Variants in MCFD2 observed in about 807,000 individuals in gnomAD.
The protein encoded by MCFD2 is multiple coagulation factor deficiency 2, ER cargo receptor complex subunit.
A neutral mutation model predicts 12.8 loss-of-function variants in MCFD2; 11 were observed. That is an observed-to-expected ratio of 0.86 (90% CI 0.54 to 1.42). MCFD2 has a LOEUF of 1.42. Among genes scored for constraint, MCFD2 ranks in the 40% most tolerant of loss-of-function variants. The probability of loss-of-function intolerance (pLI) is 0.00; values close to 1 mark genes in which losing one functional copy is unlikely to be tolerated. For missense variants in MCFD2, 191 were observed against 178.6 expected, an observed-to-expected ratio of 1.07 and a Z score of -0.40; for synonymous variants, 70 against 68.1, an observed-to-expected ratio of 1.03 and a Z score of -0.14.
chr2:46,927,003 G>A (rs539764937), intron 1 of MCFD2, among the ~76,000 whole-genome samples: 196 of 151,992 alleles, frequency 1.3e-3, no homozygotes, highest in Non-Finnish European at 2.3e-3. Context: ...TTAGACACAC[G>A]AAAAGAGAGA....
At chr2:46,930,096 C>A (rs764582216) in intron 1 of MCFD2, among the ~76,000 whole-genome samples, 25 of 151,946 alleles carry the variant, frequency 1.6e-4, no homozygotes, top group Admixed American at 1.4e-3. Context: ...CATAACCTAA[C>A]CTTTCCCTAC....
upstream of MCFD2, among the ~76,000 whole-genome samples, chr2:46,920,626 T>C (rs551027730): frequency 6.6e-6 from 1 of 151,120 alleles, no homozygotes; most frequent in Non-Finnish European, 1.5e-5. Context: ...CCACCATGCC[T>C]GGCCTTAGTC....
At chr2:46,918,272 T>C (rs1225424906), upstream of MCFD2, among the ~76,000 whole-genome samples, 1 of 152,236 alleles carries the variant, frequency 6.6e-6, no homozygotes, top group Non-Finnish European at 1.5e-5. Flanking sequence ...CTGTTTTTGA[T>C]TTATCTCATC....
rs942453127 is a variant in MCFD2 at position 46,938,080 on chromosome 2, T to C, written c.-8+3492A>G. ...TAAACCAGAAATAGGGGATTTATTA[T>C]GCAAACAAAAACTAGAATGGGAAAC... is the stretch of plus-strand genomic sequence containing the variant. On this transcript the variant is annotated intron_variant, in intron 1 of 2. Coordinates refer to the MCFD2 transcript ENST00000409147. 5.9e-5 allele frequency among the ~76,000 whole-genome samples: 9 copies of C among 152,176 alleles called. No individual in the cohort carries two copies. The South Asian group carries it at 8.3e-4, about 14-fold the overall frequency.
chr2:46,927,883 T>TG (rs1245059742), intron 1 of MCFD2, among the ~76,000 whole-genome samples: 1 of 123,370 alleles, frequency 8.1e-6, no homozygotes, highest in Non-Finnish European at 1.7e-5. Flanking sequence ...GTTTTTTTGG[T>TG]GTTTTTTTTT....
intron 1 of MCFD2, among the ~76,000 whole-genome samples, chr2:46,924,297 C>T (rs953453900): frequency 6.6e-6 from 1 of 151,842 alleles, no homozygotes; most frequent in East Asian, 1.9e-4. Flanking sequence ...CCAGGGAAGC[C>T]TTGGTATCAG....
At chr2:46,927,506 G>GC (rs1301658445) in intron 1 of MCFD2, among the ~76,000 whole-genome samples, 1 of 151,772 alleles carries the variant, frequency 6.6e-6, no homozygotes, top group Non-Finnish European at 1.5e-5. Context: ...ACAGGCATCC[G>GC]CCACCACGCC....
upstream of MCFD2, chr2:46,917,340 CCAT>C (rs939802846): frequency 1.6e-6 from 1 of 607,770 alleles, no homozygotes; most frequent in African/African-American, 1.9e-5. Context: ...AATTCAAGAC[CCAT>C]TCTTCTTTCC....
chr2:46,917,976 C>G (rs1001283988), upstream of MCFD2, among the ~76,000 whole-genome samples: 11 of 152,292 alleles, frequency 7.2e-5, no homozygotes, highest in African/African-American at 2.6e-4. Flanking sequence ...CCTTCTCTAT[C>G]CACCCTCCCT....
chr2:46,934,075 A>G (rs535455446), intron 1 of MCFD2, among the ~76,000 whole-genome samples: 64 of 152,340 alleles, frequency 4.2e-4, no homozygotes, highest in African/African-American at 1.4e-3. Flanking sequence ...AGAATGTCAT[A>G]ATAATCATCC....
Position 46,941,590 on chromosome 2 carries a change from C to G in MCFD2, c.-26G>C. 1.9e-6 allele frequency: 3 copies of G among 1,557,270 alleles called. No individual in the cohort carries two copies. Among genetic ancestry groups the G allele is most frequent in the Non-Finnish European group, 2.6e-6 (3 of 1,151,132 alleles). On this transcript the variant is annotated 5_prime_UTR_variant, in exon 1 of 3. Coordinates refer to the MCFD2 transcript ENST00000409147. This position sits in a 1 kb window ranked among gnomAD's most constrained non-coding sequence, Gnocchi z 4.2. ...CTCCTACCTGAAGGTGGAGAGCGAG[C>G]TGGAGCGCTGCCGCGCCGAGGGCCA...
upstream of MCFD2, among the ~76,000 whole-genome samples, chr2:46,919,996 T>C (rs1484285523): frequency 6.6e-6 from 1 of 152,208 alleles, no homozygotes; most frequent in Non-Finnish European, 1.5e-5. Flanking sequence ...GCTTGGAATT[T>C]TGGCATGTGT....
intron 1 of MCFD2, among the ~76,000 whole-genome samples, chr2:46,911,410 G>A (rs1668480908): frequency 6.7e-6 from 1 of 150,130 alleles, no homozygotes; most frequent in Non-Finnish European, 1.5e-5. Context: ...TTACAGGCAT[G>A]AGCCACCGTG....
intron 1 of MCFD2, among the ~76,000 whole-genome samples, chr2:46,930,163 TAAC>T (rs991208142): frequency 6.6e-6 from 1 of 152,024 alleles, no homozygotes; most frequent in African/African-American, 2.4e-5. Flanking sequence ...ATAATAAAGA[TAAC>T]AAAATTAATG....
In MCFD2 at chr2:46,908,739, C is replaced by T; in HGVS notation, c.149+284G>A. The T allele has an allele frequency of 2.1e-6, 1 of 486,834 alleles. No homozygotes were observed. The highest frequency in any genetic ancestry group is 3.8e-6 in the Non-Finnish European group (1 of 265,844). 30.2% of individuals were successfully genotyped at this position (486,834 alleles called of 1,614,324 possible). ...TGACTGTGTATGTGTACCTGTGTGT[C>T]TATTTGTATGTGTGTGTGTCTGTCT... On this transcript the variant is annotated intron_variant, in intron 2 of 3. Transcript: ENST00000319466. This position sits in a 1 kb window ranked among gnomAD's most constrained non-coding sequence, Gnocchi z 4.5.
chr2:46,920,492 G>A (rs1425421284), upstream of MCFD2, among the ~76,000 whole-genome samples: 2 of 151,894 alleles, frequency 1.3e-5, no homozygotes, highest in Non-Finnish European at 2.9e-5. Context: ...ACCACGCCCA[G>A]CTAATTTTTT....
chr2:46,930,435 G>GAAAA (rs56691862), intron 1 of MCFD2, among the ~76,000 whole-genome samples: 12 of 120,328 alleles, frequency 1.0e-4, no homozygotes, highest in Non-Finnish European at 1.6e-4. Flanking sequence ...GTATTCCTAG[G>GAAAA]AAAAAAAAAA....
chr2:46,925,414 C>T (rs898169963), intron 1 of MCFD2, among the ~76,000 whole-genome samples: 4 of 151,974 alleles, frequency 2.6e-5, no homozygotes, highest in African/African-American at 7.3e-5. Context: ...AAAAATTAGC[C>T]GGGCATGGTG....
rs950615769 is a variant in MCFD2 at position 46,905,186 on chromosome 2, C to T, written c.*277G>A. On this transcript the variant is annotated 3_prime_UTR_variant, in exon 4 of 4. Transcript: ENST00000319466. ...CTCTTTTTCTTCCCAGTCTCGGGTA[C>T]GTCTTTATCAGCAGCATTAATACAG... 1.7e-5 allele frequency: 7 copies of T among 421,220 alleles called. No individual in the cohort carries two copies. The highest frequency in any genetic ancestry group is 2.6e-5 in the Non-Finnish European group (6 of 227,816). 26.1% of individuals were successfully genotyped at this position (421,220 alleles called of 1,614,324 possible). A position where few individuals can be genotyped will look rare whatever the true frequency, so the allele number is the denominator to read the frequency against.
Sources: gnomAD v4.1 joint callset for allele counts (sites outside exome capture counted in the v4.1 genomes callset) on GRCh38, gnomAD v4.1.1 for gene constraint, Gnocchi (gnomAD v3.1) non-coding constraint, MANE v1.5 for transcripts, NCBI Gene and HGNC (gene_info 2026-07-23, HGNC 2026-07-21) for gene names.